Variants in OXR1 observed in about 807,000 individuals in gnomAD.
OXR1 encodes oxidation resistance protein 1.
OXR1 carries 41 observed loss-of-function variants against 104.6 expected under a neutral mutation model. That is an observed-to-expected ratio of 0.39 (90% CI 0.31 to 0.51). The LOEUF (loss-of-function observed/expected upper bound fraction) is 0.51, where lower values mean the gene tolerates loss of function less well. Among genes scored for constraint, OXR1 ranks in the 20% least tolerant of loss-of-function variants. The pLI is 0.77. For synonymous variants in OXR1, 348 were observed against 348.4 expected, an observed-to-expected ratio of 1.00 and a Z score of 0.01; for missense variants, 955 against 1,031.9, an observed-to-expected ratio of 0.93 and a Z score of 1.02.
At chr8:106,713,361 T>A (rs554281602) in intron 10 of OXR1, among the ~76,000 whole-genome samples, 1 of 152,076 alleles carries the variant, frequency 6.6e-6, no homozygotes, top group South Asian at 2.1e-4. Flanking sequence ...CTCTCAACAC[T>A]GTATGTTCCT....
intron 7 of OXR1, among the ~76,000 whole-genome samples, chr8:106,702,483 C>G (rs1311247385): frequency 6.6e-6 from 1 of 152,070 alleles, no homozygotes; most frequent in African/African-American, 2.4e-5. Context: ...ATACTCTTTT[C>G]CTTTTATAAT....
At chr8:106,674,040 A>C (rs1230626819) in intron 3 of OXR1, among the ~76,000 whole-genome samples, 1 of 152,224 alleles carries the variant, frequency 6.6e-6, no homozygotes, top group Non-Finnish European at 1.5e-5. Flanking sequence ...TAGAGTCTCT[A>C]CTGGGGCCCT....
chr8:106,745,757 A>G (rs1335973427), intron 15 of OXR1, 32 bp from the exon 16 acceptor site: 1 of 1,075,106 alleles, frequency 9.3e-7, no homozygotes, highest in East Asian at 2.5e-5. Context: ...CATTTCATCT[A>G]TATATTTAAA....
intron 3 of OXR1, among the ~76,000 whole-genome samples, chr8:106,523,348 G>T (rs1291225492): frequency 1.3e-5 from 2 of 152,148 alleles, no homozygotes; most frequent in Non-Finnish European, 2.9e-5. Flanking sequence ...CTGGAGTTAT[G>T]CAGGTATGTA....
intron 1 of OXR1, among the ~76,000 whole-genome samples, chr8:106,295,029 T>C (rs1341048140): frequency 6.6e-6 from 1 of 152,224 alleles, no homozygotes. Context: ...GACTGTGTCT[T>C]ATAACTTCAG....
chr8:106,750,915 G>A lies in OXR1; in HGVS notation c.2596G>A (p.Asp866Asn). The change falls in exon 17 of 17, where the codon GAT becomes AAT. Residue 866 changes from aspartate (D) to asparagine (N), a missense_variant. By Grantham distance (23) the Asp-to-Asn change is conservative. Coordinates refer to ENST00000517566, the MANE Select transcript of OXR1 (RefSeq NM_001198533.2). ...TAAGAAGGAAGATTTCTTTATCCAA[G>A]ATATTGAAATCTGGGCTTTTGAATA... ...LSKKEDFFIQ[D>N]IEIWAFE The A allele has an allele frequency of 6.2e-7, 1 of 1,605,698 alleles. No individual in the cohort carries two copies. The highest frequency in any genetic ancestry group is 1.3e-5 in the African/African-American group (1 of 74,552).
intron 3 of OXR1, among the ~76,000 whole-genome samples, chr8:106,654,495 T>C (rs1824890039): frequency 6.6e-6 from 1 of 152,104 alleles, no homozygotes; most frequent in African/African-American, 2.4e-5. Flanking sequence ...AGAATGAATT[T>C]GGACCACTTC....
intron 3 of OXR1, among the ~76,000 whole-genome samples, chr8:106,609,076 A>G (rs1300761089): frequency 1.3e-5 from 2 of 152,170 alleles, no homozygotes; most frequent in Non-Finnish European, 2.9e-5. Context: ...AGAGAAAAAC[A>G]TAACATAACT....
rs529736617 is a variant in OXR1 at position 106,428,534 on chromosome 8, T to C, written c.23+68898T>C. On this transcript the variant is annotated intron_variant, in intron 2 of 16. Transcript: ENST00000517566. ...GGCCACTGGTCTACAGTTTTTACCA[T>C]AGCAGACATTTGGCTCTTTGTCCTG... Among the ~76,000 whole-genome samples the C allele has an allele frequency of 5.3e-5, 8 of 151,772 alleles. No homozygotes were observed. In the South Asian group the frequency reaches 1.5e-3, roughly 28 times the overall value.
At chr8:106,531,209 A>G (rs1472308597) in intron 3 of OXR1, among the ~76,000 whole-genome samples, 1 of 152,196 alleles carries the variant, frequency 6.6e-6, no homozygotes, top group East Asian at 1.9e-4. Flanking sequence ...AAAGACTAAT[A>G]TGCTTTGTAG....
At chr8:106,279,593 A>G (rs1056395197) in intron 1 of OXR1, among the ~76,000 whole-genome samples, 1 of 152,220 alleles carries the variant, frequency 6.6e-6, no homozygotes, top group Non-Finnish European at 1.5e-5. Flanking sequence ...GAGATTTGCA[A>G]AAACAGTAAT....
At chr8:106,415,438 A>T (rs1444749880) in intron 2 of OXR1, among the ~76,000 whole-genome samples, 1 of 152,126 alleles carries the variant, frequency 6.6e-6, no homozygotes, top group Non-Finnish European at 1.5e-5. Context: ...TAAAATTTAG[A>T]GAGTAAGCTA....
rs781758882 is a variant in OXR1 at position 106,710,727 on chromosome 8, C to G, written c.1730C>G (p.Thr577Arg). 6.2e-7 allele frequency: 1 copy of G among 1,602,984 alleles called. No homozygotes were observed. The highest frequency in any genetic ancestry group is 1.1e-5 in the South Asian group (1 of 89,580). The change falls in exon 10 of 17, where the codon ACA (threonine) becomes AGA (arginine). Residue 577 changes from threonine to arginine, a missense_variant. Around this residue, in one of 2 missense-constraint regions of OXR1, gnomAD observed 849 missense variants for 852.9 expected, o/e 1.00. Coordinates refer to ENST00000517566, the MANE Select transcript of OXR1 (RefSeq NM_001198533.2). Reference sequence around the variant, plus strand: ...ACGTTTGTATCTCAAGCAAGTGCTACAATGCAACAGTATGCACAGAGAGAT... The same window carrying G: ...ACGTTTGTATCTCAAGCAAGTGCTAGAATGCAACAGTATGCACAGAGAGAT... Reference protein sequence around the residue: ...RKTFVSQASATMQQYAQRDKK... With the variant: ...RKTFVSQASARMQQYAQRDKK...
intron 2 of OXR1, among the ~76,000 whole-genome samples, chr8:106,436,854 C>T (rs749995166): frequency 4.6e-5 from 7 of 152,160 alleles, no homozygotes; most frequent in Non-Finnish European, 7.4e-5. Flanking sequence ...GTGTCATTTT[C>T]CTTGATTGGC....
intron 2 of OXR1, among the ~76,000 whole-genome samples, chr8:106,419,306 A>G (rs77729219): frequency 2.7e-3 from 416 of 152,264 alleles, no homozygotes; most frequent in African/African-American, 9.4e-3. Flanking sequence ...GGTGCGTTGC[A>G]GGCTATTTCT....
chr8:106,555,526 T>C (rs1241698591), intron 3 of OXR1, among the ~76,000 whole-genome samples: 4 of 152,114 alleles, frequency 2.6e-5, no homozygotes, highest in African/African-American at 9.7e-5. Flanking sequence ...CAGCTGGTAG[T>C]AGCAGGAAAA....
At chr8:106,274,604 C>G (rs544395019) in intron 1 of OXR1, among the ~76,000 whole-genome samples, 2 of 133,084 alleles carry the variant, frequency 1.5e-5, no homozygotes, top group Admixed American at 7.4e-5. Context: ...AACGCCACCC[C>G]CCCCCCGACC....
intron 3 of OXR1, among the ~76,000 whole-genome samples, chr8:106,576,893 A>G (rs1319951299): frequency 6.6e-6 from 1 of 152,196 alleles, no homozygotes; most frequent in Non-Finnish European, 1.5e-5. Context: ...TTTAAATTTT[A>G]TATACACTCA....
At chr8:106,322,992 A>G (rs560841088) in intron 1 of OXR1, among the ~76,000 whole-genome samples, 3 of 152,296 alleles carry the variant, frequency 2.0e-5, no homozygotes, top group Non-Finnish European at 2.9e-5. Flanking sequence ...TGCTATTCCT[A>G]TCAGACTACC....
Sources: gnomAD v4.1 joint callset for allele counts (sites outside exome capture counted in the v4.1 genomes callset) on GRCh38, gnomAD v4.1.1 for gene constraint, gnomAD v4.1.1 regional missense constraint, MANE v1.5 for transcripts, NCBI Gene and HGNC (gene_info 2026-07-23, HGNC 2026-07-21) for gene names.